ERBB4: variants seen among roughly 807,000 people sequenced by gnomAD.
ERBB4 encodes erb-b2 receptor tyrosine kinase 4, also known as receptor tyrosine-protein kinase erbB-4.
Under a neutral mutation model 158.0 loss-of-function variants are expected in ERBB4, and 42 were observed. That is an observed-to-expected ratio of 0.27 (90% CI 0.21 to 0.34). The LOEUF (loss-of-function observed/expected upper bound fraction) is 0.34. Ranked by LOEUF, ERBB4 falls within the 10% of genes least tolerant of loss-of-function variation. ERBB4 has a pLI of 1.00. For missense variants in ERBB4, 1,333 were observed against 1,624.1 expected (o/e 0.82, Z 3.08); for synonymous variants, 583 against 558.7 (o/e 1.04, Z -0.61).
At chr2:211,657,616 T>C in intron 16 of ERBB4, 138 bp downstream of exon 16, 1 of 733,026 alleles carries the variant, frequency 1.4e-6, no homozygotes, top group South Asian at 1.5e-5. Flanking sequence ...AAGTGTTTTA[T>C]GCCTCTTTCA....
chr2:212,230,113 T>C (rs779100054), intron 1 of ERBB4, among the ~76,000 whole-genome samples: 16 of 152,124 alleles, frequency 1.1e-4, no homozygotes, highest in Admixed American at 2.6e-4. Context: ...GGTGAAACCC[T>C]ATCTCTACTA....
chr2:212,259,136 G>C (rs2084844346), intron 1 of ERBB4, among the ~76,000 whole-genome samples: 1 of 152,092 alleles, frequency 6.6e-6, no homozygotes, highest in African/African-American at 2.4e-5. Context: ...TTCTTCATCA[G>C]AGCATTAAGT....
chr2:212,346,308 GC>G (rs5838319), intron 1 of ERBB4, among the ~76,000 whole-genome samples: 104,859 of 151,244 alleles, frequency 0.69, 36,440 homozygotes, highest in East Asian at 0.79. Flanking sequence ...CTCAATGATG[GC>G]CCCCCCCAAG....
Position 211,860,994 on chromosome 2 carries a change from AATATATTATATAT to A in ERBB4, c.422-72848_422-72836del, listed in dbSNP as rs1357565112. Reference sequence around the variant, plus strand: ...TATATTTAAATATATTATATAATATAATATATTATATATTTATATATTTATATATATATAAATA... The same window carrying A: ...TATATTTAAATATATTATATAATATATTATATATTTATATATATATAAATA... On this transcript the variant is annotated intron_variant, in intron 3 of 27. Transcript: ENST00000342788. Among the ~76,000 whole-genome samples the A allele has an allele frequency of 1.2e-4, 8 of 64,162 alleles. 2 individuals carry two copies. Among genetic ancestry groups the A allele is most frequent in the East Asian group, 3.5e-4 (1 of 2,838 alleles). 42.1% of individuals were successfully genotyped at this position (64,162 alleles called of 152,430 possible).
At chr2:212,525,313 T>A (rs574609289) in intron 1 of ERBB4, among the ~76,000 whole-genome samples, 3 of 151,966 alleles carry the variant, frequency 2.0e-5, no homozygotes, top group African/African-American at 7.2e-5. Flanking sequence ...AAAGCATACA[T>A]GTGCTATCAG....
At chr2:212,265,872 T>C (rs1293182077) in intron 1 of ERBB4, among the ~76,000 whole-genome samples, 2 of 152,034 alleles carry the variant, frequency 1.3e-5, no homozygotes, top group Non-Finnish European at 2.9e-5. Flanking sequence ...ATGGGGTCCT[T>C]TTATGAATCA....
intron 16 of ERBB4, among the ~76,000 whole-genome samples, chr2:211,647,431 A>G (rs1350027320): frequency 1.3e-5 from 2 of 151,616 alleles, no homozygotes; most frequent in African/African-American, 2.4e-5. Flanking sequence ...TAAATTTCCC[A>G]TTTAGCATCA....
At chr2:212,191,714 GTT>G (rs2125712271) in intron 1 of ERBB4, among the ~76,000 whole-genome samples, 1 of 147,162 alleles carries the variant, frequency 6.8e-6, no homozygotes, top group South Asian at 2.1e-4. Flanking sequence ...TGTTATACAT[GTT>G]ACATATAACA....
At position 211,686,481 on chromosome 2, in the gene ERBB4, T is replaced by C. The variant is rs893131716; in HGVS notation, c.1490-7297A>G. Among the ~76,000 whole-genome samples the C allele has an allele frequency of 1.5e-4, 23 of 152,336 alleles. 1 individual carries two copies. Among genetic ancestry groups the C allele is most frequent in the South Asian group, 1.4e-3 (7 of 4,828 alleles). ...TATGTTGTATAATTCTTTGTATATA[T>C]TGCTGACTGCTATTTGCTACTACTT... On this transcript the variant is annotated intron_variant, in intron 12 of 27. Coordinates refer to ENST00000342788, the MANE Select transcript of ERBB4 (RefSeq NM_005235.3).
chr2:212,450,526 A>C (rs1030382458), intron 1 of ERBB4, among the ~76,000 whole-genome samples: 3 of 152,170 alleles, frequency 2.0e-5, no homozygotes, highest in Admixed American at 2.0e-4. Flanking sequence ...AAGCTGAAAA[A>C]GAAGAAACTG....
At chr2:212,308,095 A>C (rs2086880641) in intron 1 of ERBB4, among the ~76,000 whole-genome samples, 1 of 151,098 alleles carries the variant, frequency 6.6e-6, no homozygotes, top group Non-Finnish European at 1.5e-5. Context: ...ACAGAGCTGA[A>C]TGAGCTCAGA....
chr2:211,438,820 T>G (rs942891714), intron 20 of ERBB4, among the ~76,000 whole-genome samples: 2 of 152,230 alleles, frequency 1.3e-5, no homozygotes, highest in Non-Finnish European at 2.9e-5. Context: ...CACTTCCAAC[T>G]GCAGTCATGA....
rs4405694 is a variant in ERBB4, at chr2:212,304,512, C to T, written c.83-179609G>A. 2.0e-5 allele frequency among the ~76,000 whole-genome samples: 3 copies of T among 151,374 alleles called. No individual in the cohort carries two copies. In the South Asian group the frequency reaches 6.2e-4, roughly 31 times the overall value. On this transcript the variant is annotated intron_variant, in intron 1 of 27. Coordinates refer to ENST00000342788, the MANE Select transcript of ERBB4 (RefSeq NM_005235.3). ...TTGTAGCATATCCAGAGACTTATTT[C>T]TACCAATCAATCTAGGTGTCCAAAT... is the stretch of plus-strand genomic sequence containing the variant.
At chr2:211,982,856 C>T (rs777708591) in intron 2 of ERBB4, among the ~76,000 whole-genome samples, 5 of 152,116 alleles carry the variant, frequency 3.3e-5, no homozygotes, top group Non-Finnish European at 7.4e-5. Context: ...TACATTTTTG[C>T]TCTTTGCAAT....
rs2076208344 is a variant in ERBB4, at chr2:211,788,107, T to C, written c.474A>G (p.Ala158=). Residue 158 remains alanine (A), a synonymous_variant, in exon 4 of 28, where the codon GCA becomes GCG. Coordinates refer to ENST00000342788, the MANE Select transcript of ERBB4 (RefSeq NM_005235.3). The part of the protein sequence containing the change: ...YVDQNKFLCY[A]DTIHWQDIVR... Reference sequence around the variant, plus strand: ...CAATATCTTGCCAATGAATGGTGTCTGCATAACAAAGGAATTTGTTCTGGT... The same window carrying C: ...CAATATCTTGCCAATGAATGGTGTCCGCATAACAAAGGAATTTGTTCTGGT... The C allele has an allele frequency of 6.2e-7, 1 of 1,612,588 alleles. No homozygotes were observed. The highest frequency in any genetic ancestry group is 8.5e-7 in the Non-Finnish European group (1 of 1,178,672).
At chr2:211,666,023 G>T (rs2071616481) in intron 14 of ERBB4, among the ~76,000 whole-genome samples, 1 of 152,100 alleles carries the variant, frequency 6.6e-6, no homozygotes, top group South Asian at 2.1e-4. Context: ...TATAAGAGTA[G>T]GATGTAAACT....
chr2:212,133,396 G>GTTTTTTTTTTTTTTTTTT (rs575131971), intron 1 of ERBB4, among the ~76,000 whole-genome samples: 3 of 137,136 alleles, frequency 2.2e-5, no homozygotes, highest in African/African-American at 8.9e-5. Flanking sequence ...TCATTTTGGT[G>GTTTTTTTTTTTTTTTTTT]TTTTTTTTTT....
intron 20 of ERBB4, among the ~76,000 whole-genome samples, chr2:211,519,492 A>G (rs1205178012): frequency 6.6e-6 from 1 of 152,116 alleles, no homozygotes; most frequent in East Asian, 1.9e-4. Flanking sequence ...CTGCTACTGC[A>G]GTGCAGATCC....
In ERBB4 at chr2:211,745,115, C is replaced by T. The variant is rs73085044; in HGVS notation, c.622+5524G>A. ...AGATATAAGTATATCTTTAGTGGACCTAAGAGTAAATATTATGTTTTAAAT... is the reference window on the plus strand; with the variant it reads ...AGATATAAGTATATCTTTAGTGGACTTAAGAGTAAATATTATGTTTTAAAT... On this transcript the variant is annotated intron_variant, in intron 5 of 27. Coordinates refer to ENST00000342788, the MANE Select transcript of ERBB4 (RefSeq NM_005235.3). 4.0e-3 allele frequency among the ~76,000 whole-genome samples: 604 copies of T among 151,968 alleles called. 4 individuals carry two copies. The highest frequency in any genetic ancestry group is 0.014 in the African/African-American group (581 of 41,456).
Sources: gnomAD v4.1 joint callset for allele counts (sites outside exome capture counted in the v4.1 genomes callset) on GRCh38, gnomAD v4.1.1 for gene constraint, MANE v1.5 for transcripts, NCBI Gene and HGNC (gene_info 2026-07-23, HGNC 2026-07-21) for gene names.